AGBL4: variants seen among roughly 807,000 people sequenced by gnomAD.
AGBL4 encodes the protein AGBL carboxypeptidase 4.
In AGBL4, 58 loss-of-function variants were observed where a neutral mutation model predicts 66.4. The observed-to-expected ratio is 0.87, with a 90% CI of 0.71 to 1.09. AGBL4 has a LOEUF of 1.09. Ranked by LOEUF, AGBL4 falls within the 50% of genes least tolerant of loss-of-function variation. The pLI is 0.00. For synonymous variants in AGBL4, 234 were observed against 222.9 expected, an observed-to-expected ratio of 1.05 and a Z score of -0.44; for missense variants, 579 against 631.0, an observed-to-expected ratio of 0.92 and a Z score of 0.88.
chr1:49,239,893 A>G (rs1651081201), intron 4 of AGBL4, among the ~76,000 whole-genome samples: 1 of 152,118 alleles, frequency 6.6e-6, no homozygotes, highest in African/African-American at 2.4e-5. Context: ...AATGTAAAAA[A>G]TAAGACAGAA....
intron 11 of AGBL4, among the ~76,000 whole-genome samples, chr1:48,569,554 A>G (rs1014968050): frequency 6.6e-6 from 1 of 152,214 alleles, no homozygotes; most frequent in African/African-American, 2.4e-5. Flanking sequence ...CTAAGGTTAC[A>G]TGAAGTAGGT....
chr1:49,098,329 T>C (rs951910531), intron 4 of AGBL4, among the ~76,000 whole-genome samples: 2 of 152,138 alleles, frequency 1.3e-5, no homozygotes, highest in African/African-American at 4.8e-5. Flanking sequence ...GTGGAGGAGA[T>C]GTAGTTATGT....
intron 9 of AGBL4, among the ~76,000 whole-genome samples, chr1:48,598,542 CA>C (rs1645030198): frequency 6.6e-6 from 1 of 151,884 alleles, no homozygotes. Flanking sequence ...TTTAGGAGGC[CA>C]AGGCAGGCGG....
At position 49,530,259 on chromosome 1, in the gene AGBL4, TA is replaced by T. The variant is rs543885264; in HGVS notation, c.282+167053del. On this transcript the variant is annotated intron_variant, in intron 3 of 13. Coordinates refer to ENST00000371839, the MANE Select transcript of AGBL4 (RefSeq NM_032785.4). Reference sequence around the variant, plus strand: ...CAGCTATGTTTTCAAGTAGAATTTGTAAAAAAAAAAAAACAAAAAAAAACTC... The same window carrying T: ...CAGCTATGTTTTCAAGTAGAATTTGTAAAAAAAAAAAACAAAAAAAAACTC... Among the ~76,000 whole-genome samples, 65 of 75,978 alleles carry T rather than the reference TA, an allele frequency of 8.6e-4. 4 individuals are homozygous for T. Among genetic ancestry groups the T allele is most frequent in the Middle Eastern group, 9.1e-3 (1 of 110 alleles). The allele number at this position is 75,978 out of a possible 152,430, so 49.8% of individuals were successfully genotyped here.
rs1195176242 is a variant in AGBL4, at chr1:49,245,787, A to G, written c.360T>C (p.Ser120=). The G allele has an allele frequency of 6.5e-7, 1 of 1,549,622 alleles. No homozygotes were observed. Among genetic ancestry groups the G allele is most frequent in the Non-Finnish European group, 8.7e-7 (1 of 1,145,442 alleles). The change falls in exon 4 of 14, where the codon TCT becomes TCC. Residue 120 remains serine, a synonymous_variant. Coordinates refer to ENST00000371839, the MANE Select transcript of AGBL4 (RefSeq NM_032785.4). ...YRDGMAPMVK[S]TSRPKWQRLP... ...TCACTTACCATTTTGGTCTGCTGGT[A>G]GATTTCACCATAGGGGCCATCCCAT...
chr1:49,142,870 G>A (rs953168347), intron 4 of AGBL4, among the ~76,000 whole-genome samples: 4 of 151,908 alleles, frequency 2.6e-5, no homozygotes, highest in Non-Finnish European at 5.9e-5. Context: ...CTTGTACAAT[G>A]GGCAAGTCAG....
chr1:49,667,536 A>G (rs951275104), intron 3 of AGBL4, among the ~76,000 whole-genome samples: 1 of 152,202 alleles, frequency 6.6e-6, no homozygotes, highest in Admixed American at 6.5e-5. Context: ...CATAAATATT[A>G]TAAGGAAATA....
At chr1:49,887,638 CAATT>C (rs1236935747) in intron 1 of AGBL4, among the ~76,000 whole-genome samples, 1 of 151,926 alleles carries the variant, frequency 6.6e-6, no homozygotes, top group African/African-American at 2.4e-5. Flanking sequence ...GTAAAATGGA[CAATT>C]AATTGAAGAA....
intron 9 of AGBL4, among the ~76,000 whole-genome samples, chr1:48,618,140 G>A (rs1645350081): frequency 6.6e-6 from 1 of 152,198 alleles, no homozygotes; most frequent in Non-Finnish European, 1.5e-5. Context: ...AGGCTGAGAT[G>A]GGAAGATCGC....
At chr1:49,365,731 CA>C (rs1285264080) in intron 3 of AGBL4, among the ~76,000 whole-genome samples, 5 of 151,998 alleles carry the variant, frequency 3.3e-5, no homozygotes, top group African/African-American at 1.2e-4. Flanking sequence ...TTCCTTGATG[CA>C]ACTTTTTCAC....
chr1:49,793,668 A>G (rs761898605), intron 2 of AGBL4, among the ~76,000 whole-genome samples: 2 of 151,954 alleles, frequency 1.3e-5, no homozygotes, highest in Non-Finnish European at 2.9e-5. Flanking sequence ...TTTAATGTCT[A>G]TGATAACACA....
intron 3 of AGBL4, among the ~76,000 whole-genome samples, chr1:49,599,865 T>G (rs1413536929): frequency 2.0e-5 from 3 of 152,152 alleles, no homozygotes; most frequent in African/African-American, 7.2e-5. Context: ...TTAATTTTAT[T>G]TACTCAGTAG....
At chr1:49,978,980 A>T (rs1658822372) in intron 1 of AGBL4, among the ~76,000 whole-genome samples, 1 of 152,166 alleles carries the variant, frequency 6.6e-6, no homozygotes, top group Admixed American at 6.5e-5. Flanking sequence ...ATATTGAAAA[A>T]TTTTTTGAAG....
At chr1:48,545,451 A>T (rs1644143993) in intron 11 of AGBL4, among the ~76,000 whole-genome samples, 1 of 152,216 alleles carries the variant, frequency 6.6e-6, no homozygotes, top group African/African-American at 2.4e-5. Context: ...GATTGATTGA[A>T]CATTTTCAAT....
rs567970088 is a variant in AGBL4 at position 48,840,049 on chromosome 1, A to T, written c.634+27142T>A. Among the ~76,000 whole-genome samples, 3 of 152,268 alleles carry T rather than the reference A, an allele frequency of 2.0e-5. No individual in the cohort carries two copies. The East Asian group carries it at 5.8e-4, about 29-fold the overall frequency. On this transcript the variant is annotated intron_variant, in intron 6 of 13. Coordinates refer to ENST00000371839, the MANE Select transcript of AGBL4 (RefSeq NM_032785.4). ...TATAGCTGCTCTTTGCCGATTTAGG[A>T]GAGAGAAGTGGAAAGATGATGAGTG...
intron 5 of AGBL4, among the ~76,000 whole-genome samples, chr1:48,942,675 G>A (rs1375959577): frequency 6.6e-6 from 1 of 152,148 alleles, no homozygotes; most frequent in East Asian, 1.9e-4. Flanking sequence ...CATTCAATAA[G>A]TGAAAGTTTG....
At position 49,164,481 on chromosome 1, in the gene AGBL4, G is replaced by T. The variant is rs192391084; in HGVS notation, c.377+81289C>A. On this transcript the variant is annotated intron_variant, in intron 4 of 13. Coordinates refer to ENST00000371839, the MANE Select transcript of AGBL4 (RefSeq NM_032785.4). ...TAGCCCAAAAAGGAGACAAAGAAGC[G>T]CACAAGCAACTGTAATCTTAGATAG... Among the ~76,000 whole-genome samples, 230 of 152,168 alleles carry T rather than the reference G, an allele frequency of 1.5e-3. 2 individuals are homozygous for T. The highest frequency in any genetic ancestry group is 6.8e-3 in the Middle Eastern group (2 of 294).
chr1:49,231,375 A>C (rs563651444), intron 4 of AGBL4, among the ~76,000 whole-genome samples: 1 of 152,208 alleles, frequency 6.6e-6, no homozygotes, highest in African/African-American at 2.4e-5. Context: ...GACTCGTGGC[A>C]GTCGAAACTC....
chr1:49,594,219 C>T (rs1260018438), intron 3 of AGBL4, among the ~76,000 whole-genome samples: 1 of 152,136 alleles, frequency 6.6e-6, no homozygotes, highest in East Asian at 1.9e-4. Flanking sequence ...GTACGAAAAA[C>T]TAATATCATT....
Sources: gnomAD v4.1 joint callset for allele counts (sites outside exome capture counted in the v4.1 genomes callset) on GRCh38, gnomAD v4.1.1 for gene constraint, MANE v1.5 for transcripts, NCBI Gene and HGNC (gene_info 2026-07-23, HGNC 2026-07-21) for gene names.